Variants in CFAP47 observed in about 807,000 individuals in gnomAD.
The protein encoded by CFAP47 is cilia and flagella associated protein 47.
In CFAP47, 29 loss-of-function variants were observed where a neutral mutation model predicts 148.1. The observed-to-expected ratio is 0.20, with a 90% confidence interval of 0.15 to 0.27. CFAP47 has a LOEUF of 0.27. Ranked by LOEUF, CFAP47 falls within the 10% of genes least tolerant of loss-of-function variation. CFAP47 has a pLI of 1.00. For synonymous variants in CFAP47, 664 were observed against 577.3 expected (o/e 1.15, Z -2.15); for missense variants, 1,872 against 1,697.5 (o/e 1.10, Z -1.81).
chrX:36,157,216 T>G (rs777884605), intron 37 of CFAP47, among the ~76,000 whole-genome samples: 2 of 112,295 alleles, frequency 1.8e-5, no homozygotes, highest in South Asian at 7.3e-4. Flanking sequence ...TAACAGAAAT[T>G]TAAACCTTTA....
chrX:36,038,950 A>C (rs1384878517), intron 24 of CFAP47, 34 bp from the exon 25 acceptor site: 8 of 781,580 alleles, frequency 1.0e-5, no homozygotes, highest in Non-Finnish European at 1.4e-5. Flanking sequence ...GTTTTAACTA[A>C]TTTAAAATAC....
chrX:36,283,363 T>C lies in CFAP47; in HGVS notation c.7589-2266T>C, dbSNP rs781978262. ...ATTAATACTCAATGTACATGTCTAG[T>C]ACTGTAGGAACTAAATCAGCTACAT... On this transcript the variant is annotated intron_variant, in intron 50 of 63. Transcript: ENST00000378653. Among the ~76,000 whole-genome samples the C allele has an allele frequency of 1.3e-4, 14 of 111,838 alleles. 1 individual carries two copies. The East Asian group carries it at 3.9e-3, about 31-fold the overall frequency.
intron 57 of CFAP47, among the ~76,000 whole-genome samples, chrX:36,345,719 G>T (rs140874679): frequency 0.017 from 1,868 of 111,661 alleles, 36 homozygotes; most frequent in African/African-American, 0.057. Context: ...AATTTATGCT[G>T]GTTTTCTGAG....
At chrX:36,126,387 G>A (rs1344544569) in intron 33 of CFAP47, among the ~76,000 whole-genome samples, 2 of 110,942 alleles carry the variant, frequency 1.8e-5, no homozygotes, top group Non-Finnish European at 3.8e-5. Flanking sequence ...GAGAATGATG[G>A]TTTCCAGTTC....
intron 57 of CFAP47, among the ~76,000 whole-genome samples, chrX:36,337,644 T>A (rs2146976271): frequency 9.0e-6 from 1 of 111,472 alleles, no homozygotes; most frequent in Admixed American, 9.6e-5. Flanking sequence ...ATTAAGAATA[T>A]AGAGGCAAAA....
intron 33 of CFAP47, among the ~76,000 whole-genome samples, chrX:36,124,068 T>C (rs943234939): frequency 1.8e-5 from 2 of 111,336 alleles, no homozygotes; most frequent in African/African-American, 6.5e-5. Context: ...TCTGGATGTG[T>C]CTAGAAGTAG....
chrX:36,193,112 G>A (rs939873473), intron 42 of CFAP47, among the ~76,000 whole-genome samples: 9 of 111,786 alleles, frequency 8.1e-5, no homozygotes, highest in Admixed American at 1.9e-4. Flanking sequence ...CAGTCATTTC[G>A]TTTTCTCTCA....
intron 26 of CFAP47, among the ~76,000 whole-genome samples, chrX:36,060,993 G>T (rs1174165839): frequency 9.0e-6 from 1 of 111,667 alleles, no homozygotes; most frequent in Non-Finnish European, 1.9e-5. Flanking sequence ...GTTTGGATTA[G>T]TGTCTCTGCC....
rs1555994517 is a variant in CFAP47, at chrX:36,236,013, T to C, written c.7094T>C (p.Val2365Ala). The change falls in exon 47 of 64, where the codon GTT (valine) becomes GCT (alanine). Residue 2365 changes from valine (V) to alanine (A), a missense_variant. Physicochemically the swap from Val to Ala is moderately conservative, Grantham distance 64 (BLOSUM62 0). Transcript: ENST00000378653. ...EWFYGPVDLH[V>A]GPDEIVEYPL... ...TTTTATGGACCTGTTGATTTACATG[T>C]TGGACCAGATGAAATTGTGGAGTAT... 5.8e-6 allele frequency: 3 copies of C among 517,088 alleles called. No homozygotes were observed. In the South Asian group the frequency reaches 8.0e-5, roughly 14 times the overall value. 42.6% of individuals were successfully genotyped at this position (517,088 alleles called of 1,213,427 possible). A position where few individuals can be genotyped will look rare whatever the true frequency, so the allele number is the denominator to read the frequency against.
intron 51 of CFAP47, among the ~76,000 whole-genome samples, chrX:36,292,780 C>A (rs1217633681): frequency 9.0e-6 from 1 of 111,617 alleles, no homozygotes; most frequent in African/African-American, 3.3e-5. Context: ...GCTGTCTTCA[C>A]CCTGTAACTT....
intron 8 of CFAP47, among the ~76,000 whole-genome samples, chrX:35,958,914 A>T (rs1282365874): frequency 1.8e-5 from 2 of 111,916 alleles, no homozygotes. Context: ...GGAGGACAGA[A>T]AATGTGTCAG....
chrX:36,371,776 ATG>A (rs201384175), intron 62 of CFAP47, among the ~76,000 whole-genome samples: 22 of 49,731 alleles, frequency 4.4e-4, no homozygotes, highest in Non-Finnish European at 5.9e-4. Context: ...ATATACACAC[ATG>A]TGTATATATG....
intron 30 of CFAP47, 128 bp downstream of exon 30, chrX:36,085,666 CATAA>C (rs1938073130): frequency 1.0e-5 from 3 of 293,794 alleles, no homozygotes; most frequent in African/African-American, 8.5e-5. Flanking sequence ...CACACACACA[CATAA>C]ATATACACAC....
chrX:36,045,017 C>T (rs934017670), intron 25 of CFAP47, among the ~76,000 whole-genome samples: 3 of 112,069 alleles, frequency 2.7e-5, no homozygotes, highest in African/African-American at 9.7e-5. Context: ...AATCTACAAA[C>T]AAGGATATTG....
chrX:36,380,448 A>AT (rs1179458214), intron 63 of CFAP47, among the ~76,000 whole-genome samples: 15 of 110,256 alleles, frequency 1.4e-4, no homozygotes, highest in South Asian at 7.6e-4. Context: ...TTGATACATA[A>AT]TTTTTTTTTT....
chrX:36,193,092 T>C (rs1240522026), intron 42 of CFAP47, among the ~76,000 whole-genome samples: 1 of 112,225 alleles, frequency 8.9e-6, no homozygotes, highest in Non-Finnish European at 1.9e-5. Context: ...CCTCTGATTC[T>C]TTCCACTCTC....
chrX:36,148,041 G>C (rs1032168923), intron 36 of CFAP47, among the ~76,000 whole-genome samples: 2 of 111,742 alleles, frequency 1.8e-5, no homozygotes, highest in African/African-American at 6.5e-5. Context: ...TATTATGATA[G>C]TTATAGGGAC....
At chrX:36,141,404 A>T (rs1245823157) in intron 35 of CFAP47, among the ~76,000 whole-genome samples, 2 of 111,555 alleles carry the variant, frequency 1.8e-5, no homozygotes, top group Non-Finnish European at 3.8e-5. Context: ...AAGGGAGAGA[A>T]AGCAGAGAGT....
At chrX:36,035,293 A>G (rs1354916187) in intron 23 of CFAP47, among the ~76,000 whole-genome samples, 2 of 111,630 alleles carry the variant, frequency 1.8e-5, no homozygotes, top group African/African-American at 6.5e-5. Context: ...AGTTTTTCAA[A>G]GTTACTGACG....
Sources: gnomAD v4.1 joint callset for allele counts (sites outside exome capture counted in the v4.1 genomes callset) on GRCh38, gnomAD v4.1.1 for gene constraint, MANE v1.5 for transcripts, NCBI Gene and HGNC (gene_info 2026-07-23, HGNC 2026-07-21) for gene names.